The following EVL variants were observed in gnomAD, a reference collection of about 807,000 sequenced individuals.
The protein encoded by EVL is ena/VASP-like protein.
Under a neutral mutation model 59.6 loss-of-function variants are expected in EVL, and 21 were observed. The observed-to-expected ratio is 0.35, with a 90% confidence interval of 0.25 to 0.51. EVL has a LOEUF of 0.51. Among genes scored for constraint, EVL ranks in the 20% least tolerant of loss-of-function variants. The pLI is 0.97. For missense variants in EVL, 462 were observed against 546.6 expected (o/e 0.85, Z 1.54); for synonymous variants, 198 against 203.5 (o/e 0.97, Z 0.23).
chr14:99,972,859 G>A lies in EVL; in HGVS notation c.5+802G>A, dbSNP rs1300823134. Among the ~76,000 whole-genome samples the A allele has an allele frequency of 6.6e-6, 1 of 151,506 alleles. No individual in the cohort carries two copies. The highest frequency in any genetic ancestry group is 2.4e-5 in the African/African-American group (1 of 41,166). ...GAACACGTATCTCGTAAAAACTGTA[G>A]TTTGTAACTATAGTTTCGTTTTGCC... On this transcript the variant is annotated intron_variant, in intron 1 of 13. Coordinates refer to the EVL transcript ENST00000402714. This position sits in a 1 kb window ranked among gnomAD's most constrained non-coding sequence, Gnocchi z 4.4.
chr14:100,126,248 G>T (rs1297192528), intron 4 of EVL, among the ~76,000 whole-genome samples: 1 of 152,242 alleles, frequency 6.6e-6, no homozygotes, highest in Non-Finnish European at 1.5e-5. Context: ...CCGCTCAGTG[G>T]TAAAGAAAAT....
upstream of EVL, among the ~76,000 whole-genome samples, chr14:100,062,520 C>T (rs1595115967): frequency 6.6e-6 from 1 of 151,378 alleles, no homozygotes; most frequent in South Asian, 2.1e-4. Context: ...ATACAGGAAA[C>T]GAAGAACAGA....
At chr14:99,976,180 T>TTTTATTTATTTA (rs141612796) in intron 1 of EVL, among the ~76,000 whole-genome samples, 117 of 145,846 alleles carry the variant, frequency 8.0e-4, no homozygotes, top group African/African-American at 2.5e-3. Context: ...CATGGCCAGC[T>TTTTATTTATTTA]TTTATTTATT....
intron 1 of EVL, among the ~76,000 whole-genome samples, chr14:100,014,545 AG>A (rs2061037588): frequency 6.6e-6 from 1 of 152,212 alleles, no homozygotes; most frequent in East Asian, 1.9e-4. Flanking sequence ...ATGGGTACTT[AG>A]GTTGCTTCCA....
intron 2 of EVL, among the ~76,000 whole-genome samples, chr14:100,094,664 A>T (rs1885678224): frequency 6.6e-6 from 1 of 152,104 alleles, no homozygotes; most frequent in Non-Finnish European, 1.5e-5. Flanking sequence ...GGATCACTTG[A>T]ACCTAGGAGG....
intron 1 of EVL, chr14:99,978,022 G>C (rs578091903): frequency 6.6e-6 from 1 of 151,310 alleles, no homozygotes; most frequent in African/African-American, 2.4e-5. Flanking sequence ...ACTTGAACTC[G>C]GAAGGCAGAG....
At chr14:100,014,809 G>A (rs1024584374) in intron 1 of EVL, among the ~76,000 whole-genome samples, 1 of 152,174 alleles carries the variant, frequency 6.6e-6, no homozygotes, top group Non-Finnish European at 1.5e-5. Flanking sequence ...TTGTAGAAGT[G>A]AAACCAGGGA....
intron 3 of EVL, among the ~76,000 whole-genome samples, chr14:100,110,210 C>A (rs1886873169): frequency 6.6e-6 from 1 of 152,084 alleles, no homozygotes; most frequent in Admixed American, 6.6e-5. Context: ...CTTGTCTCTA[C>A]AAAAGCATTA....
At position 100,030,074 on chromosome 14, in the gene EVL, T is replaced by A. The variant is rs563275746; in HGVS notation, c.6-54613T>A. On this transcript the variant is annotated intron_variant, in intron 1 of 13. Transcript: ENST00000402714. ...TATTACCAATCTCTGACAGTTACTA[T>A]GCTAATTAAATGAGATTACCTTTTT... 2.6e-5 allele frequency among the ~76,000 whole-genome samples: 4 copies of A among 151,910 alleles called. No homozygotes were observed. The South Asian group carries it at 8.3e-4, about 32-fold the overall frequency.
chr14:100,006,444 C>G (rs1317032028), intron 1 of EVL, among the ~76,000 whole-genome samples: 1 of 151,920 alleles, frequency 6.6e-6, no homozygotes, highest in Non-Finnish European at 1.5e-5. Flanking sequence ...GCCACCACAC[C>G]TGGCTGGGTT....
At chr14:100,088,422 T>A (rs952051667) in intron 2 of EVL, among the ~76,000 whole-genome samples, 3 of 152,098 alleles carry the variant, frequency 2.0e-5, no homozygotes, top group Non-Finnish European at 4.4e-5. Flanking sequence ...AATGCGCCCC[T>A]GGGGGATTTT....
chr14:100,092,735 CAAAA>C (rs533570637), intron 2 of EVL, among the ~76,000 whole-genome samples: 1 of 151,760 alleles, frequency 6.6e-6, no homozygotes. Flanking sequence ...AACTCCATCT[CAAAA>C]AAACAAACAA....
chr14:100,038,976 G>T (rs1292454241), intron 1 of EVL, among the ~76,000 whole-genome samples: 1 of 152,066 alleles, frequency 6.6e-6, no homozygotes, highest in Admixed American at 6.6e-5. Flanking sequence ...CTGCAGCCAT[G>T]ACCCATAGGG....
At chr14:100,135,821 C>T in intron 8 of EVL, 84 bp from the exon 9 acceptor site, 2 of 1,202,714 alleles carry the variant, frequency 1.7e-6, no homozygotes, top group South Asian at 1.2e-5. Context: ...ATTTGGAAAA[C>T]TGAGGTTTTA....
At chr14:100,045,288 A>G (rs1189473438) in intron 1 of EVL, among the ~76,000 whole-genome samples, 1 of 152,146 alleles carries the variant, frequency 6.6e-6, no homozygotes, top group Non-Finnish European at 1.5e-5. Flanking sequence ...CATCTTTTTA[A>G]GTTTCCAGAG....
chr14:99,983,782 A>G (rs1473524557), intron 1 of EVL, among the ~76,000 whole-genome samples: 1 of 152,152 alleles, frequency 6.6e-6, no homozygotes, highest in African/African-American at 2.4e-5. Flanking sequence ...CTTAGCCTTC[A>G]AATCTTATTT....
At chr14:100,067,302 C>G (rs2061951919) in intron 1 of EVL, among the ~76,000 whole-genome samples, 1 of 152,132 alleles carries the variant, frequency 6.6e-6, no homozygotes, top group African/African-American at 2.4e-5. Context: ...TACAAAGGAC[C>G]TTTTAAATGT....
intron 1 of EVL, among the ~76,000 whole-genome samples, chr14:100,004,119 A>G (rs936842255): frequency 2.0e-5 from 3 of 152,156 alleles, no homozygotes; most frequent in Non-Finnish European, 2.9e-5. Context: ...CACAAGAATC[A>G]CTTGAACCCG....
Position 100,090,322 on chromosome 14 carries a change from C to T in EVL, c.180+5467C>T, listed in dbSNP as rs78652410. On this transcript the variant is annotated intron_variant, in intron 2 of 13. Transcript: ENST00000392920. ...AATATCGTTAGTAATAACCTTGTGCCGGTAAACTTGACAGCTTAGATAAGA... is the reference window on the plus strand; with the variant it reads ...AATATCGTTAGTAATAACCTTGTGCTGGTAAACTTGACAGCTTAGATAAGA... 5.9e-3 allele frequency among the ~76,000 whole-genome samples: 904 copies of T among 152,198 alleles called. 6 individuals are homozygous for T. Among genetic ancestry groups the T allele is most frequent in the African/African-American group, 0.021 (859 of 41,518 alleles).
Sources: allele counts gnomAD v4.1 joint callset (sites outside exome capture counted in the v4.1 genomes callset), GRCh38; gene constraint gnomAD v4.1.1; non-coding constraint Gnocchi (gnomAD v3.1); transcripts MANE v1.5; gene names NCBI Gene and HGNC (gene_info 2026-07-23, HGNC 2026-07-21).